Variants in SHPRH observed in about 807,000 individuals in gnomAD.
SHPRH encodes SNF2 histone linker PHD RING helicase.
Under a neutral mutation model 202.5 loss-of-function variants are expected in SHPRH, and 106 were observed. That is an observed-to-expected ratio of 0.52 (90% CI 0.45 to 0.62). SHPRH has a LOEUF of 0.62. Among genes scored for constraint, SHPRH ranks in the 20% least tolerant of loss-of-function variants. The pLI is 0.00. For missense variants in SHPRH, 1,710 were observed against 2,020.0 expected (o/e 0.85, Z 2.94); for synonymous variants, 729 against 686.0 (o/e 1.06, Z -0.98).
chr6:145,934,778 A>G, intron 13 of SHPRH, 129 bp downstream of exon 13: 1 of 844,688 alleles, frequency 1.2e-6, no homozygotes, highest in African/African-American at 1.7e-5. Context: ...CTTCCATACC[A>G]AAGAAAACCC....
At chr6:145,924,953 G>A in intron 16 of SHPRH, 107 bp from the exon 17 acceptor site, 3 of 771,162 alleles carry the variant, frequency 3.9e-6, no homozygotes, top group Non-Finnish European at 6.1e-6. Context: ...CTACTTAACT[G>A]CATTTAAACA....
intron 14 of SHPRH, among the ~76,000 whole-genome samples, chr6:145,931,996 T>A (rs1785508906): frequency 6.6e-6 from 1 of 152,114 alleles, no homozygotes; most frequent in East Asian, 1.9e-4. Flanking sequence ...TCTTCTTCGT[T>A]TTTCATGTTG....
chr6:145,894,356 C>A lies in SHPRH; in HGVS notation c.4609-120G>T, dbSNP rs1390136092. ...TGGAGTTAAGAAAATAAAACCAAAA[C>A]CAAAACCCTCAAATGTAGTACCATC... is the stretch of plus-strand genomic sequence containing the variant. On this transcript the variant is annotated intron_variant, in intron 26 of 29. Transcript: ENST00000275233. The A allele has an allele frequency of 6.7e-6, 4 of 597,374 alleles. No homozygotes were observed. In the African/African-American group the frequency reaches 7.9e-5, roughly 12 times the overall value. 37.0% of individuals were successfully genotyped at this position (597,374 alleles called of 1,614,324 possible).
chr6:145,885,852 A>G lies in SHPRH; in HGVS notation c.*839T>C, dbSNP rs1436076902. On this transcript the variant is annotated 3_prime_UTR_variant, in exon 30 of 30. Transcript: ENST00000275233. ...CAAGACATCAGTATAATAATGATTA[A>G]AAAAAAAACCCTGCCATATTTCCAT... 2.7e-5 allele frequency: 4 copies of G among 150,852 alleles called. No individual in the cohort carries two copies. Among genetic ancestry groups the G allele is most frequent in the Admixed American group, 6.6e-5 (1 of 15,072 alleles). 9.3% of individuals were successfully genotyped at this position (150,852 alleles called of 1,614,324 possible). A position where few individuals can be genotyped will look rare whatever the true frequency, so the allele number is the denominator to read the frequency against.
intron 18 of SHPRH, among the ~76,000 whole-genome samples, chr6:145,923,313 A>G (rs559824185): frequency 6.6e-6 from 1 of 151,916 alleles, no homozygotes; most frequent in South Asian, 2.1e-4. Context: ...ATCTGTAATT[A>G]TGCACTATAT....
intron 8 of SHPRH, among the ~76,000 whole-genome samples, chr6:145,944,901 A>G (rs547432498): frequency 6.6e-6 from 1 of 152,226 alleles, no homozygotes; most frequent in Admixed American, 6.5e-5. Context: ...TCTACAAAAA[A>G]ACAAGAAAAA....
chr6:145,941,455 T>C (rs1373546203), intron 10 of SHPRH, among the ~76,000 whole-genome samples, 168 bp downstream of exon 10: 2 of 152,230 alleles, frequency 1.3e-5, no homozygotes, highest in Non-Finnish European at 2.9e-5. Context: ...CAAAGGGTTA[T>C]GTAGTTCAAA....
chr6:145,933,449 T>C (rs1785690898), intron 13 of SHPRH, among the ~76,000 whole-genome samples: 1 of 152,168 alleles, frequency 6.6e-6, no homozygotes, highest in African/African-American at 2.4e-5. Flanking sequence ...CATGACATAT[T>C]TGAAACATTA....
rs528138044 is a variant in SHPRH, at chr6:145,873,680, G to A, written c.222-9189C>T. 8.8e-5 allele frequency among the ~76,000 whole-genome samples: 11 copies of A among 125,550 alleles called. No individual in the cohort carries two copies. The East Asian group carries it at 1.3e-3, about 15-fold the overall frequency. The allele number at this position is 125,550 out of a possible 152,430, so 82.4% of individuals were successfully genotyped here. ...TGATGATGTCAGTTTTAGTGTCTCA[G>A]TAACAGTTGCTAGAGGAAGGAAGGA... On this transcript the variant is annotated intron_variant, in intron 2 of 2. Coordinates refer to the SHPRH transcript ENST00000417762.
intron 16 of SHPRH, 57 bp downstream of exon 16, chr6:145,926,147 G>T: frequency 7.1e-7 from 1 of 1,409,302 alleles, no homozygotes; most frequent in Non-Finnish European, 1.0e-6. Context: ...TCAACTATAT[G>T]GAGCATAAAG....
rs779458637 is a variant in SHPRH, at chr6:145,933,100, T to G, written c.3069A>C (p.Leu1023=). 1.5e-5 allele frequency: 24 copies of G among 1,613,780 alleles called. No homozygotes were observed. The highest frequency in any genetic ancestry group is 2.0e-5 in the Non-Finnish European group (24 of 1,179,882). ...GTECEEAHRQ[L]VCALNGLAGI... is the part of the protein sequence containing the mutation. Reference sequence around the variant, plus strand: ...CTGCTAAGCCATTGAGAGCACAAACTAGCTGTCGATGTGCTTCTTCACATT... The same window carrying G: ...CTGCTAAGCCATTGAGAGCACAAACGAGCTGTCGATGTGCTTCTTCACATT... The change falls in exon 14 of 30, where the codon CTA becomes CTC. Residue 1023 remains leucine, a synonymous_variant. Transcript: ENST00000275233.
intron 19 of SHPRH, 93 bp downstream of exon 19, chr6:145,922,570 A>C (rs1395129977): frequency 2.1e-6 from 3 of 1,438,716 alleles, no homozygotes; most frequent in Non-Finnish European, 2.8e-6. Flanking sequence ...AAAATGAAAA[A>C]ACCTTTACTA....
intron 25 of SHPRH, chr6:145,908,533 T>C (rs1783181704): frequency 6.6e-6 from 1 of 152,176 alleles, no homozygotes; most frequent in Admixed American, 6.6e-5. Flanking sequence ...CTTTTTTTCA[T>C]GTTTGTTGGC....
chr6:145,951,009 C>T (rs1195608675), intron 3 of SHPRH, among the ~76,000 whole-genome samples: 2 of 151,984 alleles, frequency 1.3e-5, no homozygotes, highest in African/African-American at 4.8e-5. Context: ...CTGTTCTATG[C>T]CCAATAAGAA....
At chr6:145,923,811 A>G (rs1473758943) in intron 17 of SHPRH, 26 bp from the exon 18 acceptor site, 13 of 1,599,048 alleles carry the variant, frequency 8.1e-6, no homozygotes, top group Non-Finnish European at 1.1e-5. Flanking sequence ...CAGTTAATCA[A>G]TTAATACATT....
intron 27 of SHPRH, 130 bp from the exon 28 acceptor site, chr6:145,893,523 T>C: frequency 1.2e-6 from 1 of 837,624 alleles, no homozygotes; most frequent in Non-Finnish European, 1.7e-6. Flanking sequence ...GAAACTTAAA[T>C]GCAAAATTAC....
chr6:145,938,500 A>C (rs1281787265), intron 11 of SHPRH, among the ~76,000 whole-genome samples: 1 of 152,198 alleles, frequency 6.6e-6, no homozygotes, highest in East Asian at 1.9e-4. Context: ...ATGAAATAAT[A>C]AATGCATCAC....
In SHPRH at chr6:145,943,667, T is replaced by C. The variant is rs1562356504; in HGVS notation, c.1714A>G (p.Asn572Asp). 1 of 1,613,964 alleles carries C rather than the reference T, an allele frequency of 6.2e-7. No homozygotes were observed. Among genetic ancestry groups the C allele is most frequent in the Non-Finnish European group, 8.5e-7 (1 of 1,179,910 alleles). Residue 572 changes from asparagine to aspartate, a missense_variant, in exon 9 of 30, where the codon AAT becomes GAT. Transcript: ENST00000275233. Reference protein sequence around the residue: ...PYYYYYKSRRNRSKLRKKLVP... With the variant: ...PYYYYYKSRRDRSKLRKKLVP... ...AGCTTTTTCCTCAATTTACTGCGAT[T>C]TCTCCTGGACTTATAATAATAATAG... is the stretch of plus-strand genomic sequence containing the variant.
At chr6:145,872,736 C>T (rs992398123) in intron 2 of SHPRH, among the ~76,000 whole-genome samples, 9 of 152,158 alleles carry the variant, frequency 5.9e-5, no homozygotes, top group African/African-American at 2.2e-4. Context: ...GACACATGCA[C>T]ATATATGTTT....
Sources: gnomAD v4.1 joint callset for allele counts (sites outside exome capture counted in the v4.1 genomes callset) on GRCh38, gnomAD v4.1.1 for gene constraint, MANE v1.5 for transcripts, NCBI Gene and HGNC (gene_info 2026-07-23, HGNC 2026-07-21) for gene names.